The following FAS variants were observed in gnomAD, a reference collection of about 807,000 sequenced individuals.
FAS encodes Fas cell surface death receptor, also known as tumor necrosis factor receptor superfamily member 6.
In FAS, 5 loss-of-function variants were observed where a neutral mutation model predicts 33.2. That is an observed-to-expected ratio of 0.15 (90% CI 0.08 to 0.32). FAS has a LOEUF of 0.32. Among genes scored for constraint, FAS ranks in the 10% least tolerant of loss-of-function variants. The probability of loss-of-function intolerance (pLI) is 1.00; values close to 1 mark genes in which losing one functional copy is unlikely to be tolerated. For missense variants in FAS, 339 were observed against 386.0 expected, an observed-to-expected ratio of 0.88 and a Z score of 1.02; for synonymous variants, 131 against 130.7, an observed-to-expected ratio of 1.00 and a Z score of -0.01.
intron 1 of FAS, among the ~76,000 whole-genome samples, chr10:88,970,848 C>T (rs888380002): frequency 1.3e-5 from 2 of 151,718 alleles, no homozygotes; most frequent in East Asian, 3.9e-4. Context: ...TGCACATGTA[C>T]CCTAGAACTT....
chr10:88,999,814 T>A (rs1343386143), intron 1 of FAS, among the ~76,000 whole-genome samples: 3 of 152,246 alleles, frequency 2.0e-5, no homozygotes, highest in African/African-American at 7.2e-5. Context: ...TCCTGTTGCA[T>A]TTTTGACATG....
upstream of FAS, among the ~76,000 whole-genome samples, chr10:88,988,167 A>C (rs1381484955): frequency 6.6e-6 from 1 of 152,176 alleles, no homozygotes; most frequent in African/African-American, 2.4e-5. Flanking sequence ...GACTAAAAGA[A>C]CCACTCACAT....
intron 1 of FAS, among the ~76,000 whole-genome samples, chr10:88,970,576 G>T (rs754893838): frequency 2.0e-5 from 3 of 152,166 alleles, no homozygotes; most frequent in Non-Finnish European, 4.4e-5. Context: ...ATTGCATTTA[G>T]ATAGTCCAGA....
At chr10:88,981,502 T>A (rs6586161) in intron 2 of FAS, among the ~76,000 whole-genome samples, 40,207 of 151,910 alleles carry the variant, frequency 0.26, 7,313 homozygotes, top group African/African-American at 0.5. Context: ...AGGTCTAGAC[T>A]AGTATCCGTG....
intron 1 of FAS, among the ~76,000 whole-genome samples, chr10:88,999,544 A>C (rs1326237286): frequency 6.6e-6 from 1 of 152,240 alleles, no homozygotes; most frequent in Non-Finnish European, 1.5e-5. Flanking sequence ...GTAATATTTT[A>C]AGACAAACCT....
At chr10:88,974,867 T>C (rs927700161) in intron 2 of FAS, 3 of 152,200 alleles carry the variant, frequency 2.0e-5, no homozygotes, top group Non-Finnish European at 2.9e-5. Context: ...ACTATAGTAC[T>C]ATATAGCGCT....
intron 3 of FAS, 143 bp downstream of exon 3, chr10:89,007,980 G>T: frequency 1.5e-6 from 2 of 1,293,490 alleles, no homozygotes; most frequent in Non-Finnish European, 2.2e-6. Context: ...GGGTACCGCA[G>T]AACCAGGTGC....
rs924465667 is a variant in FAS, at chr10:89,015,406, A to T, written c.*956A>T. On this transcript the variant is annotated 3_prime_UTR_variant, in exon 9 of 9. Transcript: ENST00000652046. ...TTTGCAATCAAAGATGATAAAATAG[A>T]TTCTTATTTTTCCCCCACCCCCGAA... The T allele has an allele frequency of 5.6e-6, 3 of 531,038 alleles. No homozygotes were observed. Among genetic ancestry groups the T allele is most frequent in the African/African-American group, 5.6e-5 (3 of 53,730 alleles). 32.9% of individuals were successfully genotyped at this position (531,038 alleles called of 1,614,324 possible). A position where few individuals can be genotyped will look rare whatever the true frequency, so the allele number is the denominator to read the frequency against.
chr10:89,000,846 A>C (rs926822881), intron 1 of FAS, among the ~76,000 whole-genome samples: 6 of 152,198 alleles, frequency 3.9e-5, no homozygotes, highest in African/African-American at 1.4e-4. Context: ...CAGGAGTTTG[A>C]GATTAGCCTG....
intron 1 of FAS, among the ~76,000 whole-genome samples, chr10:88,996,013 A>G (rs902225569): frequency 9.8e-5 from 15 of 152,344 alleles, no homozygotes; most frequent in Non-Finnish European, 4.4e-5. Context: ...ACAATTTGAC[A>G]TTGGATTCAT....
upstream of FAS, among the ~76,000 whole-genome samples, chr10:88,983,642 C>A (rs535498961): frequency 3.2e-4 from 36 of 111,500 alleles, no homozygotes; most frequent in Middle Eastern, 5.6e-3. Context: ...AAAAAAAACA[C>A]ACACACACAC....
upstream of FAS, chr10:88,989,499 G>A (rs2234767): frequency 0.13 from 72,620 of 543,676 alleles, 6,468 homozygotes; most frequent in East Asian, 0.42. Context: ...AGGCTGGCAC[G>A]CCCAGGGTCT....
chr10:88,968,437 A>G (rs1374007333), intron 1 of FAS, among the ~76,000 whole-genome samples: 1 of 152,188 alleles, frequency 6.6e-6, no homozygotes, highest in East Asian at 1.9e-4. Flanking sequence ...TCCTGAATCC[A>G]TGACAACAAT....
rs758171085 is a variant in FAS, at chr10:88,990,936, T to C, written c.30+30T>C. On this transcript the variant is annotated intron_variant, in intron 1 of 8. Coordinates refer to ENST00000652046, the MANE Select transcript of FAS (RefSeq NM_000043.6). This position sits in a 1 kb window ranked among gnomAD's most constrained non-coding sequence, Gnocchi z 4.9. Reference sequence around the variant, plus strand: ...GCCCTCTCCTGCCCGGGTGGAGGCTTACCCCGTCTTAGTCCCGGGGATAGG... The same window carrying C: ...GCCCTCTCCTGCCCGGGTGGAGGCTCACCCCGTCTTAGTCCCGGGGATAGG... 3 of 1,613,938 alleles carry C rather than the reference T, an allele frequency of 1.9e-6. No individual in the cohort carries two copies. The highest frequency in any genetic ancestry group is 2.2e-5 in the South Asian group (2 of 91,086).
upstream of FAS, among the ~76,000 whole-genome samples, chr10:88,988,674 TAAAATA>T (rs1192960811): frequency 6.6e-6 from 1 of 152,130 alleles, no homozygotes; most frequent in Non-Finnish European, 1.5e-5. Context: ...AATATGCTGG[TAAAATA>T]AAAATAACCT....
chr10:88,964,188 T>C lies in FAS; in HGVS notation n.95-8994T>C, dbSNP rs149485944. Among the ~76,000 whole-genome samples the C allele has an allele frequency of 3.3e-5, 5 of 152,262 alleles. No homozygotes were observed. In the East Asian group the frequency reaches 7.7e-4, roughly 23 times the overall value. Reference sequence around the variant, plus strand: ...ATTGTATGGGAGGAAAAAAGAATTCTCTCTCTATTCTTCCGAATTCTTATC... The same window carrying C: ...ATTGTATGGGAGGAAAAAAGAATTCCCTCTCTATTCTTCCGAATTCTTATC... On this transcript the variant is annotated intron_variant and non_coding_transcript_variant, in intron 1 of 3. Transcript: ENST00000688239.
At chr10:89,000,150 A>C (rs1479458409) in intron 1 of FAS, among the ~76,000 whole-genome samples, 1 of 152,230 alleles carries the variant, frequency 6.6e-6, no homozygotes, top group Non-Finnish European at 1.5e-5. Context: ...TTAAGAAAAT[A>C]TATCCGATGA....
intron 2 of FAS, among the ~76,000 whole-genome samples, 185 bp from the exon 3 acceptor site, chr10:89,007,515 G>A (rs1036698407): frequency 6.6e-6 from 1 of 152,004 alleles, no homozygotes; most frequent in Non-Finnish European, 1.5e-5. Context: ...TGTCTTGGGA[G>A]ACTTTCTGTC....
chr10:88,964,742 A>G (rs1846291242), intron 1 of FAS, among the ~76,000 whole-genome samples: 1 of 152,158 alleles, frequency 6.6e-6, no homozygotes. Flanking sequence ...ACCCTTCAGC[A>G]AAAAGTATCT....
Sources: gnomAD v4.1 joint callset for allele counts (sites outside exome capture counted in the v4.1 genomes callset) on GRCh38, gnomAD v4.1.1 for gene constraint, Gnocchi (gnomAD v3.1) non-coding constraint, MANE v1.5 for transcripts, NCBI Gene and HGNC (gene_info 2026-07-23, HGNC 2026-07-21) for gene names.